APBA2: variants seen among roughly 807,000 people sequenced by gnomAD.
The protein encoded by APBA2 is amyloid-beta A4 precursor protein-binding family A member 2.
A neutral mutation model predicts 75.0 loss-of-function variants in APBA2; 30 were observed. The ratio of observed to expected loss-of-function variants is 0.40; its 90% CI spans 0.30 to 0.54. The LOEUF (loss-of-function observed/expected upper bound fraction) is 0.54. APBA2 is among the 20% of genes least tolerant of loss of function. The pLI is 0.49. For synonymous variants in APBA2, 444 were observed against 409.6 expected, an observed-to-expected ratio of 1.08 and a Z score of -1.01; for missense variants, 801 against 1,016.1, an observed-to-expected ratio of 0.79 and a Z score of 2.88.
intron 3 of APBA2, among the ~76,000 whole-genome samples, chr15:29,047,562 T>C (rs889587023): frequency 1.3e-5 from 2 of 152,248 alleles, no homozygotes; most frequent in Non-Finnish European, 2.9e-5. Flanking sequence ...CTTAGGTTTT[T>C]GGGGCCTCCC....
intron 4 of APBA2, chr15:29,071,185 G>A (rs2042606575): frequency 5.1e-6 from 2 of 389,528 alleles, no homozygotes; most frequent in Non-Finnish European, 1.0e-5. Context: ...CAGGCAAAAT[G>A]AGAATTGACA....
intron 2 of APBA2, among the ~76,000 whole-genome samples, chr15:28,927,650 C>T (rs142447531): frequency 6.6e-6 from 1 of 151,300 alleles, no homozygotes; most frequent in African/African-American, 2.4e-5. Flanking sequence ...TGATCTTCAA[C>T]TTGTGAGCTC....
chr15:29,057,541 C>T (rs1285701009), intron 4 of APBA2, among the ~76,000 whole-genome samples: 2 of 152,188 alleles, frequency 1.3e-5, no homozygotes, highest in African/African-American at 4.8e-5. Context: ...CCTTTTCAGA[C>T]CATAGCATTG....
chr15:29,107,137 TTGCC>T (rs556579089), intron 12 of APBA2, among the ~76,000 whole-genome samples: 85 of 152,274 alleles, frequency 5.6e-4, no homozygotes, highest in African/African-American at 1.9e-3. Flanking sequence ...TTATCCTGCT[TTGCC>T]TGGGACTTTG....
intron 2 of APBA2, among the ~76,000 whole-genome samples, chr15:28,931,522 G>C (rs1404886529): frequency 1.3e-5 from 2 of 152,174 alleles, no homozygotes; most frequent in African/African-American, 4.8e-5. Flanking sequence ...TGCCACCGTG[G>C]GCCCAAACAT....
chr15:28,941,819 C>T (rs75050912), intron 2 of APBA2, among the ~76,000 whole-genome samples: 17,751 of 152,254 alleles, frequency 0.12, 2,074 homozygotes, highest in East Asian at 0.33. Context: ...CGCAGTGGCG[C>T]GATCTCAGCT....
At chr15:28,903,411 A>G (rs2032970941) in intron 1 of APBA2, among the ~76,000 whole-genome samples, 1 of 152,238 alleles carries the variant, frequency 6.6e-6, no homozygotes, top group Non-Finnish European at 1.5e-5. Context: ...CTAGCTGAGT[A>G]GCTGGTCGAT....
At chr15:29,110,564 G>A (rs2044673204) in intron 13 of APBA2, among the ~76,000 whole-genome samples, 1 of 152,302 alleles carries the variant, frequency 6.6e-6, no homozygotes, top group East Asian at 1.9e-4. Context: ...AGCCCTGCCC[G>A]GGATGAGTTT....
chr15:29,106,860 C>G (rs369174827), intron 12 of APBA2, 41 bp downstream of exon 12: 23 of 1,576,646 alleles, frequency 1.5e-5, no homozygotes, highest in Admixed American at 3.4e-5. Context: ...TCACCTCAAC[C>G]CTGCCTCACT....
At chr15:28,956,758 C>G (rs2036191781) in intron 2 of APBA2, among the ~76,000 whole-genome samples, 1 of 152,196 alleles carries the variant, frequency 6.6e-6, no homozygotes, top group Non-Finnish European at 1.5e-5. Flanking sequence ...CTGGCACCCA[C>G]CATTGTACTT....
At chr15:28,928,712 A>G (rs2034409350) in intron 2 of APBA2, among the ~76,000 whole-genome samples, 1 of 152,090 alleles carries the variant, frequency 6.6e-6, no homozygotes, top group Non-Finnish European at 1.5e-5. Flanking sequence ...CTCTGGATGC[A>G]TTTCACCAGG....
chr15:29,107,968 G>A (rs940478715), intron 12 of APBA2, among the ~76,000 whole-genome samples: 1 of 152,180 alleles, frequency 6.6e-6, no homozygotes, highest in Non-Finnish European at 1.5e-5. Flanking sequence ...GTTCTGCCCA[G>A]TGGCACTCAG....
chr15:29,091,825 G>T (rs186683563), intron 6 of APBA2, among the ~76,000 whole-genome samples: 1 of 152,332 alleles, frequency 6.6e-6, no homozygotes, highest in Admixed American at 6.5e-5. Context: ...AGGTCAGGAG[G>T]TTGCTGGCGC....
At chr15:28,929,158 C>T (rs986374411) in intron 2 of APBA2, among the ~76,000 whole-genome samples, 4 of 152,126 alleles carry the variant, frequency 2.6e-5, no homozygotes, top group African/African-American at 7.2e-5. Flanking sequence ...TTACCCTAAC[C>T]GGGAATCATG....
rs142417895 is a variant in APBA2, at chr15:29,079,815, G to C, written c.1069+3724G>C. ...CCTTATTTCATATCAGATAATTGTT[G>C]ATAATAATGAAAAAAATAATAGTAA... On this transcript the variant is annotated intron_variant, in intron 6 of 14. Transcript: ENST00000683413. Among the ~76,000 whole-genome samples the C allele has an allele frequency of 1.8e-4, 28 of 152,244 alleles. No homozygotes were observed. The East Asian group carries it at 5.2e-3, about 28-fold the overall frequency.
intron 4 of APBA2, among the ~76,000 whole-genome samples, chr15:29,061,201 G>A (rs1430044289): frequency 6.6e-6 from 1 of 152,172 alleles, no homozygotes; most frequent in Non-Finnish European, 1.5e-5. Context: ...GGCGAGGGCT[G>A]GACGGATTGT....
intron 3 of APBA2, among the ~76,000 whole-genome samples, chr15:29,005,228 G>C (rs566700764): frequency 6.6e-6 from 1 of 152,248 alleles, no homozygotes; most frequent in African/African-American, 2.4e-5. Context: ...TCTAAGCCTT[G>C]ATTTCCTTAT....
intron 4 of APBA2, among the ~76,000 whole-genome samples, chr15:29,058,559 G>A (rs760955438): frequency 3.3e-5 from 5 of 152,110 alleles, no homozygotes; most frequent in Non-Finnish European, 5.9e-5. Flanking sequence ...CTAAGAAGTA[G>A]GTTGTGTGGC....
chr15:29,019,911 A>G (rs545803046), intron 3 of APBA2, among the ~76,000 whole-genome samples: 1 of 152,224 alleles, frequency 6.6e-6, no homozygotes, highest in Non-Finnish European at 1.5e-5. Context: ...CCCTTCCCAA[A>G]TGGCTACAGA....
Sources: allele counts gnomAD v4.1 joint callset (sites outside exome capture counted in the v4.1 genomes callset), GRCh38; gene constraint gnomAD v4.1.1; transcripts MANE v1.5; gene names NCBI Gene and HGNC (gene_info 2026-07-23, HGNC 2026-07-21).